The following EPHA6 variants were observed in gnomAD, a reference collection of about 807,000 sequenced individuals.
EPHA6 encodes EPH receptor A6.
Under a neutral mutation model 112.0 loss-of-function variants are expected in EPHA6, and 50 were observed. The ratio of observed to expected loss-of-function variants is 0.45; its 90% confidence interval spans 0.36 to 0.56. The LOEUF is 0.56. Among genes scored for constraint, EPHA6 ranks in the 20% least tolerant of loss-of-function variants. The pLI is 0.00. For missense variants in EPHA6, 1,280 were observed against 1,417.4 expected, an observed-to-expected ratio of 0.90 and a Z score of 1.56; for synonymous variants, 529 against 490.7, an observed-to-expected ratio of 1.08 and a Z score of -1.03.
At position 97,610,852 on chromosome 3, in the gene EPHA6, C is replaced by G; in HGVS notation, c.2572C>G (p.Arg858Gly). ...MENGSLDSFL[R>G]KHDGHFTVIQ... ...GAATGGATCCCTAGACTCCTTTTTGCGGGTGAGGTGTTCTTTTCTGATGGC... is the reference window on the plus strand; with the variant it reads ...GAATGGATCCCTAGACTCCTTTTTGGGGGTGAGGTGTTCTTTTCTGATGGC... The change falls in exon 13 of 18, where the codon CGG (arginine) becomes GGG (glycine). Residue 858 changes from arginine to glycine, a missense_variant and splice_region_variant. Around this residue, in one of 4 missense-constraint regions of EPHA6, gnomAD observed 878 missense variants for 999.7 expected, o/e 0.88. Coordinates refer to ENST00000389672, the MANE Select transcript of EPHA6 (RefSeq NM_001080448.3). 1 of 1,608,058 alleles carries G rather than the reference C, an allele frequency of 6.2e-7. No homozygotes were observed. The highest frequency in any genetic ancestry group is 8.5e-7 in the Non-Finnish European group (1 of 1,175,634).
At chr3:97,069,250 A>G (rs2046279451) in intron 3 of EPHA6, among the ~76,000 whole-genome samples, 1 of 152,172 alleles carries the variant, frequency 6.6e-6, no homozygotes, top group South Asian at 2.1e-4. Context: ...AGACAATGTT[A>G]TTAAGAAAAT....
chr3:97,383,042 T>G (rs933675177), intron 5 of EPHA6, among the ~76,000 whole-genome samples: 7 of 152,048 alleles, frequency 4.6e-5, no homozygotes, highest in African/African-American at 1.7e-4. Flanking sequence ...CATTAATTTT[T>G]GAAGTCATAG....
chr3:97,461,330 A>G (rs1410262844), intron 7 of EPHA6, among the ~76,000 whole-genome samples: 2 of 152,164 alleles, frequency 1.3e-5, no homozygotes, highest in Non-Finnish European at 1.5e-5. Context: ...TTAAATTTTG[A>G]CTTGATCACA....
intron 5 of EPHA6, among the ~76,000 whole-genome samples, chr3:97,362,483 T>A (rs980341212): frequency 2.6e-5 from 4 of 152,068 alleles, no homozygotes; most frequent in Admixed American, 2.0e-4. Context: ...TATTTATTTA[T>A]AAATTTAGCC....
At chr3:97,061,492 G>A (rs1286593388) in intron 3 of EPHA6, among the ~76,000 whole-genome samples, 2 of 152,120 alleles carry the variant, frequency 1.3e-5, no homozygotes, top group African/African-American at 4.8e-5. Flanking sequence ...TAATTGCAAG[G>A]ATCAGCCCTG....
intron 2 of EPHA6, among the ~76,000 whole-genome samples, chr3:96,941,573 C>T (rs1344793627): frequency 4.6e-5 from 7 of 152,164 alleles, no homozygotes; most frequent in African/African-American, 1.7e-4. Context: ...GTAGTTTGAT[C>T]GTCTGAAGCC....
chr3:97,642,832 T>A (rs373503401), intron 14 of EPHA6, among the ~76,000 whole-genome samples: 18 of 150,846 alleles, frequency 1.2e-4, no homozygotes, highest in South Asian at 2.1e-4. Context: ...CCTGAAAGTG[T>A]TGGGGAGAAT....
chr3:97,163,167 C>A (rs917858542), intron 3 of EPHA6, among the ~76,000 whole-genome samples: 1 of 152,156 alleles, frequency 6.6e-6, no homozygotes, highest in African/African-American at 2.4e-5. Flanking sequence ...GTGGGTTCTA[C>A]TGAAATGACA....
intron 14 of EPHA6, among the ~76,000 whole-genome samples, chr3:97,661,518 A>C (rs1173399618): frequency 6.6e-6 from 1 of 152,144 alleles, no homozygotes; most frequent in Admixed American, 6.6e-5. Flanking sequence ...GCAGACATTC[A>C]GACTAAAAAT....
chr3:96,988,082 A>C (rs2043086249), intron 3 of EPHA6, 89 bp downstream of exon 3: 1 of 1,023,146 alleles, frequency 9.8e-7, no homozygotes, highest in South Asian at 1.9e-5. Flanking sequence ...GTAATTGTGC[A>C]TATTCATGGG....
chr3:97,087,893 A>T (rs192419521), intron 3 of EPHA6, among the ~76,000 whole-genome samples: 8 of 151,996 alleles, frequency 5.3e-5, no homozygotes, highest in African/African-American at 7.2e-5. Flanking sequence ...TCCCATTAAA[A>T]TTTTTTTCGG....
chr3:97,072,177 T>G lies in EPHA6; in HGVS notation c.1114+84184T>G, dbSNP rs574605004. ...ATCAATAGATAAGTGGATAAAGAAA[T>G]ATATATACCATGGGATAGCGTTCTA... is the stretch of plus-strand genomic sequence containing the variant. On this transcript the variant is annotated intron_variant, in intron 3 of 17. Coordinates refer to ENST00000389672, the MANE Select transcript of EPHA6 (RefSeq NM_001080448.3). Among the ~76,000 whole-genome samples, 7 of 152,102 alleles carry G rather than the reference T, an allele frequency of 4.6e-5. No homozygotes were observed. In the South Asian group the frequency reaches 1.5e-3, roughly 32 times the overall value.
intron 10 of EPHA6, among the ~76,000 whole-genome samples, chr3:97,498,027 C>CA (rs201789571): frequency 6.6e-6 from 1 of 151,700 alleles, no homozygotes; most frequent in Non-Finnish European, 1.5e-5. Context: ...AACAAACAAA[C>CA]AAAAAAACAC....
chr3:97,198,642 A>T (rs547528130), intron 3 of EPHA6, among the ~76,000 whole-genome samples: 2 of 152,290 alleles, frequency 1.3e-5, no homozygotes, highest in African/African-American at 4.8e-5. Flanking sequence ...TTTGGGAACT[A>T]AAACCTAAGT....
At chr3:96,885,270 T>G (rs1036767170) in intron 2 of EPHA6, among the ~76,000 whole-genome samples, 3 of 152,170 alleles carry the variant, frequency 2.0e-5, no homozygotes, top group African/African-American at 7.2e-5. Flanking sequence ...CTTCTTTCTC[T>G]ATCTTGTCAA....
intron 14 of EPHA6, among the ~76,000 whole-genome samples, chr3:97,687,528 G>A (rs975824825): frequency 6.6e-6 from 1 of 152,192 alleles, no homozygotes; most frequent in African/African-American, 2.4e-5. Context: ...ATGAGACGCT[G>A]AGGAGTTATG....
chr3:97,756,736 G>A lies in EPHA6; in HGVS notation c.*8035G>A, dbSNP rs773821794. On this transcript the variant is annotated 3_prime_UTR_variant, in exon 18 of 18. Transcript: ENST00000389672. ...GTGAAATGGGAGCATTTTGGGGAGC[G>A]AGCAGGACACAATATCTGAGCAGTG... is the stretch of plus-strand genomic sequence containing the variant. 5.3e-5 allele frequency among the ~76,000 whole-genome samples: 8 copies of A among 151,702 alleles called. No homozygotes were observed. The highest frequency in any genetic ancestry group is 1.9e-4 in the African/African-American group (8 of 41,374).
chr3:97,700,316 G>A lies in EPHA6; in HGVS notation c.2785-19945G>A, dbSNP rs576321482. ...CGCCATATTATGAATTAATTCCCCC[G>A]CGCTTCCAAGTTGAATGAAGTGTCT... On this transcript the variant is annotated intron_variant, in intron 14 of 17. Transcript: ENST00000389672. Among the ~76,000 whole-genome samples, 49 of 152,206 alleles carry A rather than the reference G, an allele frequency of 3.2e-4. No homozygotes were observed. The South Asian group carries it at 4.8e-3, about 15-fold the overall frequency.
intron 4 of EPHA6, among the ~76,000 whole-genome samples, chr3:97,229,326 T>C (rs1349381365): frequency 6.6e-6 from 1 of 152,230 alleles, no homozygotes; most frequent in East Asian, 1.9e-4. Flanking sequence ...TCTGATGTTA[T>C]CTTCTAGAAT....
Sources: gnomAD v4.1 joint callset for allele counts (sites outside exome capture counted in the v4.1 genomes callset) on GRCh38, gnomAD v4.1.1 for gene constraint, gnomAD v4.1.1 regional missense constraint, MANE v1.5 for transcripts, NCBI Gene and HGNC (gene_info 2026-07-23, HGNC 2026-07-21) for gene names.